Variants in CDC42EP3 observed in about 807,000 individuals in gnomAD.
The protein encoded by CDC42EP3 is CDC42 effector protein 3, also known as CDC42 effector protein (Rho GTPase binding) 3.
Under a neutral mutation model 15.5 loss-of-function variants are expected in CDC42EP3, and 4 were observed. That is an observed-to-expected ratio of 0.26 (90% CI 0.13 to 0.59). The LOEUF is 0.59. CDC42EP3 is among the 20% of genes least tolerant of loss of function. The pLI is 0.89. For synonymous variants in CDC42EP3, 145 were observed against 130.3 expected (o/e 1.11, Z -0.77); for missense variants, 309 against 311.2 (o/e 0.99, Z 0.05).
At chr2:37,647,848 G>A (rs1665526358) in intron 1 of CDC42EP3, among the ~76,000 whole-genome samples, 1 of 152,194 alleles carries the variant, frequency 6.6e-6, no homozygotes, top group Non-Finnish European at 1.5e-5. Context: ...AAGGGCCTAT[G>A]GAAATGAAAT....
Position 37,671,611 on chromosome 2 carries a change from T to A in CDC42EP3, c.-421A>T, listed in dbSNP as rs2124643799. On this transcript the variant is annotated 5_prime_UTR_variant, in exon 1 of 2. Coordinates refer to ENST00000295324, the MANE Select transcript of CDC42EP3 (RefSeq NM_006449.5). Reference sequence around the variant, plus strand: ...TCTCCGGGCTAGCCCCGCGCTGCGGTCCCCCGGCCGCGAGAGAAGGTGCGC... The same window carrying A: ...TCTCCGGGCTAGCCCCGCGCTGCGGACCCCCGGCCGCGAGAGAAGGTGCGC... 6.6e-6 allele frequency: 1 copy of A among 152,008 alleles called. No individual in the cohort carries two copies. Among genetic ancestry groups the A allele is most frequent in the African/African-American group, 2.4e-5 (1 of 41,258 alleles). 9.4% of individuals were successfully genotyped at this position (152,008 alleles called of 1,614,324 possible). A position where few individuals can be genotyped will look rare whatever the true frequency, so the allele number is the denominator to read the frequency against.
At chr2:37,648,125 G>A (rs1393896749) in intron 1 of CDC42EP3, among the ~76,000 whole-genome samples, 3 of 152,158 alleles carry the variant, frequency 2.0e-5, no homozygotes. Flanking sequence ...AAGGCATTGG[G>A]GTTGTAATGT....
At chr2:37,656,278 T>A (rs1665842900) in intron 1 of CDC42EP3, among the ~76,000 whole-genome samples, 1 of 152,252 alleles carries the variant, frequency 6.6e-6, no homozygotes, top group South Asian at 2.1e-4. Flanking sequence ...CAAATATATT[T>A]GTTGAATGAT....
At chr2:37,652,690 G>T (rs149489646) in intron 1 of CDC42EP3, among the ~76,000 whole-genome samples, 1 of 152,068 alleles carries the variant, frequency 6.6e-6, no homozygotes, top group South Asian at 2.1e-4. Flanking sequence ...CCAGCATCCT[G>T]AGTAGCTGAG....
At chr2:37,651,564 A>G (rs1404758015) in intron 1 of CDC42EP3, among the ~76,000 whole-genome samples, 1 of 152,252 alleles carries the variant, frequency 6.6e-6, no homozygotes, top group East Asian at 1.9e-4. Flanking sequence ...TATGGGACAG[A>G]TCACTTTTTG....
At chr2:37,647,198 A>G (rs1665507527) in intron 1 of CDC42EP3, among the ~76,000 whole-genome samples, 1 of 152,276 alleles carries the variant, frequency 6.6e-6, no homozygotes, top group Non-Finnish European at 1.5e-5. Flanking sequence ...TACTAGCAAC[A>G]CTAATATTTC....
chr2:37,662,353 G>A (rs956315917), intron 1 of CDC42EP3, among the ~76,000 whole-genome samples: 1 of 152,170 alleles, frequency 6.6e-6, no homozygotes, highest in Non-Finnish European at 1.5e-5. Context: ...AATGGAAGGG[G>A]TAATGTTCAT....
Position 37,647,014 on chromosome 2 carries a change from A to G in CDC42EP3, c.-235-192T>C, listed in dbSNP as rs566110212. 2.6e-5 allele frequency among the ~76,000 whole-genome samples: 4 copies of G among 152,334 alleles called. 1 individual carries two copies. Among genetic ancestry groups the G allele is most frequent in the South Asian group, 4.1e-4 (2 of 4,822 alleles). On this transcript the variant is annotated intron_variant, in intron 1 of 1. Transcript: ENST00000295324. ...GGAAAGAGAAAGACCTAAAAACCCC[A>G]TATCTATGACACCAGTACTTTTTAG...
rs5830491 is a variant in CDC42EP3 at position 37,670,482 on chromosome 2, CTTTTTTTTT to C, written c.-236+935_-236+943del. On this transcript the variant is annotated intron_variant, in intron 1 of 1. Coordinates refer to ENST00000295324, the MANE Select transcript of CDC42EP3 (RefSeq NM_006449.5). ...GACATTCCTCATTTTAATTCGCTCA[CTTTTTTTTT>C]TTTTTTTTTTAAACAAAATGTAATT... 1.5e-4 allele frequency among the ~76,000 whole-genome samples: 21 copies of C among 136,650 alleles called. 2 individuals carry two copies. The South Asian group carries it at 4.8e-3, about 31-fold the overall frequency. 89.6% of individuals were successfully genotyped at this position (136,650 alleles called of 152,430 possible). A position where few individuals can be genotyped will look rare whatever the true frequency, so the allele number is the denominator to read the frequency against.
intron 1 of CDC42EP3, among the ~76,000 whole-genome samples, chr2:37,670,333 CTT>C (rs951147544): frequency 6.6e-6 from 1 of 152,142 alleles, no homozygotes; most frequent in African/African-American, 2.4e-5. Flanking sequence ...GGGATGGAAT[CTT>C]TGTCTCCCTA....
rs1665342507 is a variant in CDC42EP3, at chr2:37,643,705, A to G, written c.*2118T>C. On this transcript the variant is annotated 3_prime_UTR_variant, in exon 2 of 2. Transcript: ENST00000295324. Reference sequence around the variant, plus strand: ...ATACTAATTAAAATGGGGGGGAGGTATTGAAAAGAGTCTAAAATTGGCTAC... The same window carrying G: ...ATACTAATTAAAATGGGGGGGAGGTGTTGAAAAGAGTCTAAAATTGGCTAC... The G allele has an allele frequency of 6.6e-6, 1 of 152,182 alleles. No individual in the cohort carries two copies. The highest frequency in any genetic ancestry group is 1.5e-5 in the Non-Finnish European group (1 of 68,042). 9.4% of individuals were successfully genotyped at this position (152,182 alleles called of 1,614,324 possible).
chr2:37,671,387 CAGGT>C (rs1374140402), intron 1 of CDC42EP3, 35 bp downstream of exon 1: 1 of 152,328 alleles, frequency 6.6e-6, no homozygotes, highest in African/African-American at 2.4e-5. Flanking sequence ...GACTCACAGA[CAGGT>C]AGAGAGGAAG....
intron 1 of CDC42EP3, among the ~76,000 whole-genome samples, chr2:37,666,256 G>C (rs1172174758): frequency 2.0e-5 from 3 of 152,188 alleles, no homozygotes; most frequent in African/African-American, 7.2e-5. Flanking sequence ...AAAACCATTT[G>C]AGAAACTCTG....
intron 1 of CDC42EP3, among the ~76,000 whole-genome samples, chr2:37,656,979 G>GCCC (rs796652094): frequency 3.8e-4 from 30 of 79,734 alleles, no homozygotes; most frequent in African/African-American, 7.8e-4. Context: ...AAGTAACAAA[G>GCCC]CCCCCCCCCC....
intron 1 of CDC42EP3, among the ~76,000 whole-genome samples, chr2:37,661,484 G>A (rs1290703956): frequency 6.6e-6 from 1 of 152,190 alleles, no homozygotes; most frequent in Non-Finnish European, 1.5e-5. Context: ...TTGTGCCAGT[G>A]GCTAACTGGG....
At chr2:37,658,936 G>T (rs955376172) in intron 1 of CDC42EP3, among the ~76,000 whole-genome samples, 1 of 152,216 alleles carries the variant, frequency 6.6e-6, no homozygotes, top group African/African-American at 2.4e-5. Flanking sequence ...AACCTTTCAA[G>T]GGTTTTAAGG....
At chr2:37,666,291 A>G (rs189555759) in intron 1 of CDC42EP3, among the ~76,000 whole-genome samples, 188 of 152,310 alleles carry the variant, frequency 1.2e-3, no homozygotes, top group Non-Finnish European at 2.2e-3. Context: ...GTGGAGATTC[A>G]CTATATACAC....
chr2:37,649,534 T>C (rs973667447), intron 1 of CDC42EP3, among the ~76,000 whole-genome samples: 2 of 147,636 alleles, frequency 1.4e-5, no homozygotes, highest in African/African-American at 2.5e-5. Context: ...GACTGGATCA[T>C]TCACATACAC....
chr2:37,653,761 T>TAA (rs60459309), intron 1 of CDC42EP3, among the ~76,000 whole-genome samples: 2 of 141,620 alleles, frequency 1.4e-5, no homozygotes, highest in African/African-American at 5.0e-5. Flanking sequence ...AGAGAAAAAG[T>TAA]AAAAAAAAAA....
Sources: gnomAD v4.1 joint callset for allele counts (sites outside exome capture counted in the v4.1 genomes callset) on GRCh38, gnomAD v4.1.1 for gene constraint, MANE v1.5 for transcripts, NCBI Gene and HGNC (gene_info 2026-07-23, HGNC 2026-07-21) for gene names.